CEP135: variants seen among roughly 807,000 people sequenced by gnomAD.
CEP135 encodes the protein centrosomal protein of 135 kDa.
A neutral mutation model predicts 157.3 loss-of-function variants in CEP135; 142 were observed. The ratio of observed to expected loss-of-function variants is 0.90; its 90% confidence interval spans 0.79 to 1.04. The LOEUF (loss-of-function observed/expected upper bound fraction) is 1.04. Ranked by LOEUF, CEP135 falls within the 50% of genes least tolerant of loss-of-function variation. The pLI is 0.00. For missense variants in CEP135, 1,317 were observed against 1,309.2 expected (o/e 1.01, Z -0.09); for synonymous variants, 396 against 439.8 (o/e 0.90, Z 1.25).
intron 10 of CEP135, 41 bp from the exon 11 acceptor site, chr4:55,974,705 T>A (rs750820188): frequency 1.4e-6 from 2 of 1,414,556 alleles, no homozygotes; most frequent in Admixed American, 3.7e-5. Flanking sequence ...CAACATTATG[T>A]ATACAACATT....
chr4:56,011,559 G>GTTTT, intron 20 of CEP135, 37 bp downstream of exon 20: 14 of 1,148,638 alleles, frequency 1.2e-5, no homozygotes, highest in African/African-American at 3.3e-5. Flanking sequence ...TAAGACTGAG[G>GTTTT]TTTTTTTTTT....
At chr4:55,994,130 A>G (rs1729884934) in intron 15 of CEP135, among the ~76,000 whole-genome samples, 1 of 152,064 alleles carries the variant, frequency 6.6e-6, no homozygotes, top group Non-Finnish European at 1.5e-5. Flanking sequence ...GATACCCGGC[A>G]CTCTTGGGAA....
At chr4:55,983,638 C>CT (rs11356001) in intron 13 of CEP135, among the ~76,000 whole-genome samples, 261 of 146,962 alleles carry the variant, frequency 1.8e-3, no homozygotes, top group East Asian at 8.7e-3. Flanking sequence ...ACAATAGCCT[C>CT]TTTTTTTTTT....
chr4:55,971,153 TAC>T, intron 9 of CEP135, 115 bp from the exon 10 acceptor site: 2 of 649,630 alleles, frequency 3.1e-6, no homozygotes, highest in Non-Finnish European at 4.9e-6. Flanking sequence ...TAAGTATATG[TAC>T]ACACACGTAT....
intron 14 of CEP135, among the ~76,000 whole-genome samples, chr4:55,987,308 C>G (rs961471919): frequency 2.0e-5 from 3 of 152,150 alleles, no homozygotes; most frequent in Admixed American, 6.5e-5. Flanking sequence ...TTACTCTGTG[C>G]TGAGCTCTAC....
chr4:55,989,520 A>T (rs555841434), intron 14 of CEP135, among the ~76,000 whole-genome samples: 34 of 152,342 alleles, frequency 2.2e-4, no homozygotes, highest in African/African-American at 7.9e-4. Flanking sequence ...TTAAAGGAAA[A>T]CACTGATAAA....
chr4:56,016,865 G>A (rs900119790), intron 21 of CEP135, among the ~76,000 whole-genome samples: 1 of 151,990 alleles, frequency 6.6e-6, no homozygotes, highest in African/African-American at 2.4e-5. Context: ...GTAGAGACAG[G>A]TTCTCACTAT....
chr4:55,979,406 A>C (rs963321832), intron 11 of CEP135, among the ~76,000 whole-genome samples: 4 of 152,206 alleles, frequency 2.6e-5, no homozygotes, highest in African/African-American at 9.6e-5. Context: ...AAATGTTGGA[A>C]GTAGTTGCTT....
chr4:55,957,153 A>C, intron 4 of CEP135, 70 bp from the exon 5 acceptor site: 1 of 1,534,336 alleles, frequency 6.5e-7, no homozygotes, highest in Non-Finnish European at 8.9e-7. Flanking sequence ...CGAAAGGCTA[A>C]CCTGGAATAT....
intron 10 of CEP135, among the ~76,000 whole-genome samples, chr4:55,973,665 C>T (rs759741832): frequency 3.3e-5 from 5 of 152,138 alleles, no homozygotes; most frequent in Non-Finnish European, 5.9e-5. Context: ...TGCTTACTCT[C>T]ACCCATTCCA....
At chr4:55,950,814 A>G (rs1320457790) in intron 1 of CEP135, among the ~76,000 whole-genome samples, 1 of 152,168 alleles carries the variant, frequency 6.6e-6, no homozygotes, top group Non-Finnish European at 1.5e-5. Flanking sequence ...GTTTAAGTGT[A>G]CTATTTGAAA....
intron 21 of CEP135, among the ~76,000 whole-genome samples, chr4:56,017,008 A>G (rs1730798763): frequency 6.6e-6 from 1 of 152,136 alleles, no homozygotes. Context: ...TTTTCAATGC[A>G]GAATTCTCCC....
chr4:56,007,864 G>A (rs1730411641), intron 17 of CEP135, among the ~76,000 whole-genome samples: 1 of 152,118 alleles, frequency 6.6e-6, no homozygotes, highest in Non-Finnish European at 1.5e-5. Flanking sequence ...CTGGGATAGT[G>A]CTGATGATAA....
intron 5 of CEP135, among the ~76,000 whole-genome samples, chr4:55,958,345 A>C (rs1395945883): frequency 6.6e-6 from 1 of 152,154 alleles, no homozygotes; most frequent in Non-Finnish European, 1.5e-5. Context: ...TGAGGTAGGC[A>C]GATCGCTTGA....
rs1174923303 is a variant in CEP135 at position 55,954,352 on chromosome 4, A to G, written c.441A>G (p.Glu147=). The part of the protein sequence containing the change: ...AKNERIQQLQ[E]KNLHAVVQTP... ...ATGAAAGAATTCAACAACTTCAAGA[A>G]AAGAATTTGCATGCTGTAGTACAAA... is the stretch of plus-strand genomic sequence containing the variant. The change falls in exon 4 of 26, where the codon GAA becomes GAG. Residue 147 remains glutamate (E), a synonymous_variant. Coordinates refer to ENST00000257287, the MANE Select transcript of CEP135 (RefSeq NM_025009.5). The G allele has an allele frequency of 6.2e-7, 1 of 1,606,684 alleles. No homozygotes were observed.
intron 17 of CEP135, among the ~76,000 whole-genome samples, chr4:56,002,252 T>G (rs1419288630): frequency 6.6e-6 from 1 of 152,054 alleles, no homozygotes; most frequent in Non-Finnish European, 1.5e-5. Context: ...CTTGACTAAT[T>G]GTTCTGGCCA....
intron 5 of CEP135, among the ~76,000 whole-genome samples, chr4:55,958,189 C>T (rs1038037174): frequency 6.6e-6 from 1 of 152,212 alleles, no homozygotes; most frequent in African/African-American, 2.4e-5. Flanking sequence ...AATCCCAGCA[C>T]TTTGGGAGGC....
chr4:56,020,758 A>C lies in CEP135; in HGVS notation c.3298A>C (p.Ile1100Leu), dbSNP rs1275063828. Residue 1100 changes from isoleucine to leucine, a missense_variant, in exon 24 of 26, where the codon ATC becomes CTC. By Grantham distance (5) the Ile-to-Leu change is conservative. Transcript: ENST00000257287. ...QTDYDALKRQISTERYERERA... is the reference protein window; with the variant it reads ...QTDYDALKRQLSTERYERERA... ...AGATTATGATGCTCTGAAAAGGCAG[A>C]TCTCAACTGAAAGATACGAACGGTA... is the stretch of plus-strand genomic sequence containing the variant. 6.2e-7 allele frequency: 1 copy of C among 1,613,222 alleles called. No individual in the cohort carries two copies. The highest frequency in any genetic ancestry group is 8.5e-7 in the Non-Finnish European group (1 of 1,179,674).
intron 17 of CEP135, among the ~76,000 whole-genome samples, chr4:56,007,272 C>A (rs896079649): frequency 1.3e-5 from 2 of 152,070 alleles, no homozygotes; most frequent in African/African-American, 4.8e-5. Flanking sequence ...ACTTTTTTTC[C>A]TAGGTCACTG....
Sources: allele counts gnomAD v4.1 joint callset (sites outside exome capture counted in the v4.1 genomes callset), GRCh38; gene constraint gnomAD v4.1.1; transcripts MANE v1.5; gene names NCBI Gene and HGNC (gene_info 2026-07-23, HGNC 2026-07-21).